The following PM20D2 variants were observed in gnomAD, a reference collection of about 807,000 sequenced individuals.
PM20D2 encodes xaa-Arg dipeptidase.
Under a neutral mutation model 42.9 loss-of-function variants are expected in PM20D2, and 33 were observed. The observed-to-expected ratio is 0.77, with a 90% CI of 0.58 to 1.03. The LOEUF (loss-of-function observed/expected upper bound fraction) is 1.03, where lower values mean the gene tolerates loss of function less well. Among genes scored for constraint, PM20D2 ranks in the 50% least tolerant of loss-of-function variants. The probability of loss-of-function intolerance (pLI) is 0.00; values close to 1 mark genes in which losing one functional copy is unlikely to be tolerated. For missense variants in PM20D2, 548 were observed against 557.0 expected (o/e 0.98, Z 0.16); for synonymous variants, 250 against 228.2 (o/e 1.10, Z -0.86).
At chr6:89,150,989 AC>A (rs1770814249) in intron 2 of PM20D2, among the ~76,000 whole-genome samples, 1 of 151,614 alleles carries the variant, frequency 6.6e-6, no homozygotes, top group Non-Finnish European at 1.5e-5. Context: ...CCCCATCTCT[AC>A]TAAAAATACA....
the PM20D2 span, among the ~76,000 whole-genome samples, chr6:89,127,046 A>G: frequency 6.6e-6 from 1 of 152,226 alleles, no homozygotes; most frequent in Non-Finnish European, 1.5e-5. Context: ...ATACTAAAAA[A>G]CAACCCTAAT....
At chr6:89,106,138 G>C in the PM20D2 span, among the ~76,000 whole-genome samples, 1 of 152,036 alleles carries the variant, frequency 6.6e-6, no homozygotes. Context: ...TTCTGTTTTT[G>C]AGATGGAGTT....
In PM20D2 at chr6:89,146,257, T is replaced by TG; in HGVS notation, c.118dup (p.Ala40GlyfsTer92). On this transcript the variant is annotated frameshift_variant, in exon 1 of 7. Coordinates refer to ENST00000275072, the MANE Select transcript of PM20D2 (RefSeq NM_001010853.3). LOFTEE classifies it high-confidence loss of function. ...TGCATCGACGAGGCGGCCGAGCGGC[T>TG]GGGGGCCCTGAGCCGCGCGATCTGG... 2 of 1,580,012 alleles carry TG rather than the reference T, an allele frequency of 1.3e-6. No individual in the cohort carries two copies. Among genetic ancestry groups the TG allele is most frequent in the Non-Finnish European group, 1.7e-6 (2 of 1,170,922 alleles).
the PM20D2 span, chr6:89,105,521 A>T: frequency 6.2e-7 from 1 of 1,601,998 alleles, no homozygotes; most frequent in Admixed American, 1.8e-5. Flanking sequence ...CATCTCGAAC[A>T]TCTTCAAATA....
Position 89,146,653 on chromosome 6 carries a change from TCGGGGGCGACCCGGGAAGGG to T in PM20D2, c.465+49_465+68del, listed in dbSNP as rs536815102. 4,044 of 1,348,030 alleles carry T rather than the reference TCGGGGGCGACCCGGGAAGGG, an allele frequency of 3.0e-3. 113 individuals are homozygous for T. The African/African-American group carries it at 0.053, about 18-fold the overall frequency. 83.5% of individuals were successfully genotyped at this position (1,348,030 alleles called of 1,614,324 possible). On this transcript the variant is annotated intron_variant, in intron 1 of 6. Coordinates refer to ENST00000275072, the MANE Select transcript of PM20D2 (RefSeq NM_001010853.3). ...GCGGGACCCTATCCGACTGCCCGGG[TCGGGGGCGACCCGGGAAGGG>T]CGGGACTCTCGTGCGTCCCGCGCGC... is the stretch of plus-strand genomic sequence containing the variant.
chr6:89,164,246 A>G lies in PM20D2; in HGVS notation c.*1983A>G, dbSNP rs1771335950. The stretch of plus-strand genomic sequence containing the variant: ...TGTTTTGATTTCCCACAATTTCCCA[A>G]AGGAATGTTTATTTATTAAGAGTTG... On this transcript the variant is annotated 3_prime_UTR_variant, in exon 7 of 7. Transcript: ENST00000275072. The G allele has an allele frequency of 6.6e-6, 1 of 152,228 alleles. No homozygotes were observed. The highest frequency in any genetic ancestry group is 2.4e-5 in the African/African-American group (1 of 41,472). 9.4% of individuals were successfully genotyped at this position (152,228 alleles called of 1,614,324 possible).
the PM20D2 span, among the ~76,000 whole-genome samples, chr6:89,114,557 A>G: frequency 3.9e-5 from 6 of 152,150 alleles, no homozygotes; most frequent in Non-Finnish European, 7.4e-5. Flanking sequence ...GATTTCATTC[A>G]TGTAATATAA....
chr6:89,134,943 G>A, the PM20D2 span, among the ~76,000 whole-genome samples: 2 of 150,906 alleles, frequency 1.3e-5, no homozygotes, highest in Non-Finnish European at 2.9e-5. Flanking sequence ...CTTTTACATC[G>A]ATCAGTCACT....
the PM20D2 span, among the ~76,000 whole-genome samples, chr6:89,101,383 T>A: frequency 6.6e-6 from 1 of 152,120 alleles, no homozygotes; most frequent in Admixed American, 6.6e-5. Flanking sequence ...AAAACTACAC[T>A]GGGCACATCA....
the PM20D2 span, among the ~76,000 whole-genome samples, chr6:89,104,807 C>T: frequency 6.6e-6 from 1 of 152,074 alleles, no homozygotes; most frequent in Non-Finnish European, 1.5e-5. Context: ...AATCCTAGCA[C>T]TTTGGGAGCC....
chr6:89,101,630 G>A, the PM20D2 span, among the ~76,000 whole-genome samples: 3 of 151,878 alleles, frequency 2.0e-5, no homozygotes, highest in South Asian at 2.1e-4. Context: ...TCTGGGAGGC[G>A]GAGGTTGTAG....
intron 2 of PM20D2, among the ~76,000 whole-genome samples, chr6:89,149,811 A>T (rs1358993774): frequency 6.6e-6 from 1 of 152,200 alleles, no homozygotes; most frequent in Admixed American, 6.5e-5. Flanking sequence ...TATTTACTTT[A>T]ATTTGAGTTC....
chr6:89,157,548 A>G (rs1309441069), intron 4 of PM20D2, among the ~76,000 whole-genome samples: 1 of 152,168 alleles, frequency 6.6e-6, no homozygotes, highest in Non-Finnish European at 1.5e-5. Flanking sequence ...CCCTCAGAGT[A>G]CTTTTCTACC....
the PM20D2 span, chr6:89,117,997 C>T: frequency 5.8e-6 from 7 of 1,207,084 alleles, no homozygotes; most frequent in Admixed American, 5.7e-5. Flanking sequence ...GCGCGACCCC[C>T]ACCCCTCGGC....
At chr6:89,121,372 A>G in the PM20D2 span, among the ~76,000 whole-genome samples, 59 of 152,232 alleles carry the variant, frequency 3.9e-4, 1 homozygote, top group African/African-American at 1.3e-3. Flanking sequence ...GGCACGGCCA[A>G]CTAAGGAATG....
chr6:89,103,424 G>A, the PM20D2 span, among the ~76,000 whole-genome samples: 1 of 151,958 alleles, frequency 6.6e-6, no homozygotes, highest in Non-Finnish European at 1.5e-5. Flanking sequence ...TGCCTCCCAG[G>A]TTCAAGCGAT....
the PM20D2 span, among the ~76,000 whole-genome samples, chr6:89,099,417 T>C: frequency 0.015 from 1,942 of 131,536 alleles, 46 homozygotes; most frequent in East Asian, 0.064. Context: ...TATATATACA[T>C]ATATATATGT....
At chr6:89,115,864 T>C in the PM20D2 span, among the ~76,000 whole-genome samples, 2 of 150,612 alleles carry the variant, frequency 1.3e-5, no homozygotes, top group Non-Finnish European at 3.0e-5. Context: ...TTCCATCTCC[T>C]GACCTCGTGA....
At chr6:89,103,345 T>C in the PM20D2 span, among the ~76,000 whole-genome samples, 6 of 151,956 alleles carry the variant, frequency 3.9e-5, no homozygotes, top group African/African-American at 1.5e-4. Flanking sequence ...TTTTTTTTTT[T>C]TGAGACAGAG....
Sources: allele counts gnomAD v4.1 joint callset (sites outside exome capture counted in the v4.1 genomes callset), GRCh38; gene constraint gnomAD v4.1.1; transcripts MANE v1.5; gene names NCBI Gene and HGNC (gene_info 2026-07-23, HGNC 2026-07-21).